The following MYO16 variants were observed in gnomAD, a reference collection of about 807,000 sequenced individuals.
MYO16 encodes myosin XVI, also known as unconventional myosin-XVI.
Under a neutral mutation model 205.3 loss-of-function variants are expected in MYO16, and 94 were observed. The ratio of observed to expected loss-of-function variants is 0.46; its 90% CI spans 0.39 to 0.54. The LOEUF is 0.54. Ranked by LOEUF, MYO16 falls within the 20% of genes least tolerant of loss-of-function variation. MYO16 has a pLI of 0.00. For missense variants in MYO16, 2,315 were observed against 2,387.5 expected (o/e 0.97, Z 0.63); for synonymous variants, 988 against 954.0 (o/e 1.04, Z -0.66).
chr13:109,039,058 G>C (rs937705495), intron 23 of MYO16, among the ~76,000 whole-genome samples: 3 of 152,286 alleles, frequency 2.0e-5, no homozygotes, highest in South Asian at 2.1e-4. Context: ...CACAGCCAGG[G>C]AAGAATGACT....
chr13:109,010,907 A>T (rs1472189814), intron 22 of MYO16, among the ~76,000 whole-genome samples: 1 of 148,312 alleles, frequency 6.7e-6, no homozygotes, highest in East Asian at 2.0e-4. Flanking sequence ...CTTCTCACAT[A>T]GACCGTTTTC....
chr13:108,707,914 G>C (rs1883574815), intron 2 of MYO16, among the ~76,000 whole-genome samples: 3 of 152,046 alleles, frequency 2.0e-5, no homozygotes, highest in Admixed American at 1.3e-4. Flanking sequence ...GATTCTAATG[G>C]GGGCAGAAAT....
chr13:109,066,932 C>T (rs1329353949), intron 27 of MYO16, among the ~76,000 whole-genome samples: 4 of 152,160 alleles, frequency 2.6e-5, no homozygotes, highest in East Asian at 1.9e-4. Flanking sequence ...TAATCTGGCT[C>T]GGATCCTAAT....
intron 6 of MYO16, among the ~76,000 whole-genome samples, chr13:108,804,705 G>A (rs550079324): frequency 7.9e-5 from 12 of 152,228 alleles, no homozygotes; most frequent in African/African-American, 2.9e-4. Flanking sequence ...TTAAGTAGAA[G>A]TATTCAATTA....
intron 28 of MYO16, among the ~76,000 whole-genome samples, chr13:109,106,900 G>A (rs943061508): frequency 6.6e-6 from 1 of 152,196 alleles, no homozygotes; most frequent in Admixed American, 6.5e-5. Context: ...AGGAACTTGT[G>A]ATACCTGTTT....
At position 108,709,774 on chromosome 13, in the gene MYO16, G is replaced by A. The variant is rs1293994459; in HGVS notation, c.293-2887G>A. 1.5e-5 allele frequency among the ~76,000 whole-genome samples: 2 copies of A among 134,658 alleles called. 1 individual carries two copies. The highest frequency in any genetic ancestry group is 5.5e-5 in the African/African-American group (2 of 36,272). The allele number at this position is 134,658 out of a possible 152,430, so 88.3% of individuals were successfully genotyped here. On this transcript the variant is annotated intron_variant, in intron 2 of 34. Coordinates refer to ENST00000457511, the MANE Select transcript of MYO16 (RefSeq NM_001198950.3). ...AGTTCACACTACTATCTTTATATGCGAAGAATAACCTATTTCTCTATTTGG... is the reference window on the plus strand; with the variant it reads ...AGTTCACACTACTATCTTTATATGCAAAGAATAACCTATTTCTCTATTTGG...
chr13:108,838,091 A>G (rs529536230), intron 9 of MYO16, among the ~76,000 whole-genome samples: 9 of 152,338 alleles, frequency 5.9e-5, no homozygotes, highest in African/African-American at 2.2e-4. Context: ...GGGTAAGCAC[A>G]CAGGTTCTGG....
the MYO16 span, among the ~76,000 whole-genome samples, chr13:108,498,561 C>T: frequency 6.6e-6 from 1 of 152,186 alleles, no homozygotes; most frequent in African/African-American, 2.4e-5. Context: ...CTAGAAATAA[C>T]TCATTGTTCT....
intron 34 of MYO16, among the ~76,000 whole-genome samples, chr13:109,200,156 G>T (rs931039504): frequency 9.9e-5 from 15 of 152,104 alleles, no homozygotes; most frequent in African/African-American, 3.6e-4. Context: ...TGCCCTCTCA[G>T]GTAGGTTGAA....
chr13:108,586,661 G>A, the MYO16 span, among the ~76,000 whole-genome samples: 1 of 152,186 alleles, frequency 6.6e-6, no homozygotes, highest in African/African-American at 2.4e-5. Context: ...AATGGGTCAG[G>A]TAGTTTAGAA....
intron 4 of MYO16, among the ~76,000 whole-genome samples, chr13:108,763,833 T>C (rs1208067267): frequency 4.1e-5 from 6 of 146,866 alleles, no homozygotes; most frequent in Non-Finnish European, 8.9e-5. Flanking sequence ...GTCGTGTATG[T>C]ATAGTGACAG....
intron 14 of MYO16, among the ~76,000 whole-genome samples, chr13:108,894,418 G>A (rs1880317945): frequency 6.6e-6 from 1 of 152,156 alleles, no homozygotes; most frequent in South Asian, 2.1e-4. Context: ...TGCCATCTCA[G>A]TGGAGTATGG....
chr13:108,905,865 G>A (rs1167106137), intron 15 of MYO16, among the ~76,000 whole-genome samples: 1 of 152,180 alleles, frequency 6.6e-6, no homozygotes, highest in Non-Finnish European at 1.5e-5. Flanking sequence ...AGAATGTGCA[G>A]AGGGCCAAAT....
chr13:108,561,297 G>T, the MYO16 span, among the ~76,000 whole-genome samples: 9 of 152,210 alleles, frequency 5.9e-5, no homozygotes, highest in South Asian at 2.1e-4. Context: ...GAACAGAAGA[G>T]CATGACTTGT....
intron 2 of MYO16, among the ~76,000 whole-genome samples, chr13:108,685,752 TA>T (rs1169442850): frequency 1.3e-5 from 2 of 152,188 alleles, no homozygotes; most frequent in African/African-American, 4.8e-5. Context: ...GTCCAAGATC[TA>T]GGTGCCATGT....
the MYO16 span, among the ~76,000 whole-genome samples, chr13:108,510,365 C>T: frequency 6.6e-6 from 1 of 150,450 alleles, no homozygotes; most frequent in East Asian, 2.0e-4. Flanking sequence ...GATCCATCCT[C>T]CTTGGCGTCC....
chr13:109,008,958 A>C lies in MYO16; in HGVS notation c.2504A>C (p.His835Pro). The change falls in exon 22 of 35, where the codon CAC (histidine) becomes CCC (proline). Residue 835 changes from histidine to proline, a missense_variant. This residue lies in a region of MYO16 where 1,213 missense variants were observed against 1,274.4 expected (regional missense o/e 0.95). Transcript: ENST00000457511. ...HHYINEVLFL[H>P]EQVECVQEGV... ...TATATCAATGAAGTGCTTTTTCTCC[A>C]CGAGCAAGTGGAATGTGTACAAGAG... 1 of 1,613,470 alleles carries C rather than the reference A, an allele frequency of 6.2e-7. No homozygotes were observed. Among genetic ancestry groups the C allele is most frequent in the Non-Finnish European group, 8.5e-7 (1 of 1,179,626 alleles).
chr13:109,147,504 G>A (rs1877400248), intron 32 of MYO16, among the ~76,000 whole-genome samples: 1 of 152,182 alleles, frequency 6.6e-6, no homozygotes, highest in Admixed American at 6.5e-5. Flanking sequence ...ACTGAAGTAT[G>A]AGACATTAGT....
intron 5 of MYO16, among the ~76,000 whole-genome samples, chr13:108,790,797 T>G (rs1245980916): frequency 1.3e-5 from 2 of 152,220 alleles, no homozygotes; most frequent in Non-Finnish European, 2.9e-5. Flanking sequence ...CTGTGATGTC[T>G]TCACAACAGG....
Sources: gnomAD v4.1 joint callset for allele counts (sites outside exome capture counted in the v4.1 genomes callset) on GRCh38, gnomAD v4.1.1 for gene constraint, gnomAD v4.1.1 regional missense constraint, MANE v1.5 for transcripts, NCBI Gene and HGNC (gene_info 2026-07-23, HGNC 2026-07-21) for gene names.